Variants in ADCY9 observed in about 807,000 individuals in gnomAD.
The protein encoded by ADCY9 is adenylate cyclase 9.
Under a neutral mutation model 101.5 loss-of-function variants are expected in ADCY9, and 50 were observed. The observed-to-expected ratio is 0.49, with a 90% CI of 0.39 to 0.62. The LOEUF (loss-of-function observed/expected upper bound fraction) is 0.62. ADCY9 is among the 20% of genes least tolerant of loss of function. The pLI is 0.00. For missense variants in ADCY9, 1,662 were observed against 1,800.4 expected, an observed-to-expected ratio of 0.92 and a Z score of 1.39; for synonymous variants, 905 against 769.3, an observed-to-expected ratio of 1.18 and a Z score of -2.92.
At chr16:3,977,861 C>A (rs1056391236) in intron 8 of ADCY9, among the ~76,000 whole-genome samples, 6 of 152,102 alleles carry the variant, frequency 3.9e-5, no homozygotes, top group Non-Finnish European at 5.9e-5. Flanking sequence ...GGATGACAGG[C>A]TCCCGGCACC....
Position 3,992,533 on chromosome 16 carries a change from T to G in ADCY9, c.1990-170A>C, listed in dbSNP as rs542323742. On this transcript the variant is annotated intron_variant, in intron 4 of 10. Coordinates refer to ENST00000294016, the MANE Select transcript of ADCY9 (RefSeq NM_001116.4). This position sits in a 1 kb window ranked among gnomAD's most constrained non-coding sequence, Gnocchi z 4.2. ...CCCTGCGCCTACAGACCTGCTCCAA[T>G]CCCAGCCCTGACTGCCCGTCTGCTC... Among the ~76,000 whole-genome samples, 5 of 152,068 alleles carry G rather than the reference T, an allele frequency of 3.3e-5. No individual in the cohort carries two copies. Among genetic ancestry groups the G allele is most frequent in the African/African-American group, 1.2e-4 (5 of 41,408 alleles).
intron 2 of ADCY9, among the ~76,000 whole-genome samples, chr16:4,067,795 G>C (rs1390029795): frequency 6.6e-6 from 1 of 152,174 alleles, no homozygotes; most frequent in East Asian, 1.9e-4. Flanking sequence ...TGCCACTGTA[G>C]CTAATGTGTG....
intron 2 of ADCY9, among the ~76,000 whole-genome samples, chr16:4,074,174 CATT>C (rs1230166146): frequency 6.6e-6 from 1 of 151,770 alleles, no homozygotes; most frequent in Non-Finnish European, 1.5e-5. Flanking sequence ...ATATAAAATA[CATT>C]ATTATGACAC....
chr16:3,994,754 G>A (rs1478424732), intron 3 of ADCY9, among the ~76,000 whole-genome samples: 1 of 152,148 alleles, frequency 6.6e-6, no homozygotes. Flanking sequence ...CACTGTGCCT[G>A]GCCAAAAAGA....
intron 2 of ADCY9, among the ~76,000 whole-genome samples, chr16:4,097,545 ATATATATATTTTT>A (rs1419009570): frequency 0.052 from 2,793 of 53,314 alleles, 244 homozygotes; most frequent in African/African-American, 0.22. Flanking sequence ...ATATATATAT[ATATATATATTTTT>A]TTTTTTTTTT....
chr16:4,102,987 G>T (rs572498127), intron 2 of ADCY9, among the ~76,000 whole-genome samples: 1 of 152,186 alleles, frequency 6.6e-6, no homozygotes, highest in Non-Finnish European at 1.5e-5. Flanking sequence ...CTCCCAAAGC[G>T]CTGGTATTAC....
intron 5 of ADCY9, among the ~76,000 whole-genome samples, chr16:3,957,216 C>T (rs868227760): frequency 6.6e-6 from 1 of 152,176 alleles, no homozygotes; most frequent in African/African-American, 2.4e-5. Context: ...GCCAATGATG[C>T]CCAGTTAGAA....
intron 2 of ADCY9, among the ~76,000 whole-genome samples, chr16:4,056,485 C>T (rs1158883599): frequency 6.6e-5 from 10 of 152,178 alleles, no homozygotes; most frequent in African/African-American, 2.2e-4. Context: ...AAATGCTGAC[C>T]TCAAGTGATC....
chr16:3,960,996 A>T (rs2141664192), downstream of ADCY9, among the ~76,000 whole-genome samples: 1 of 114,206 alleles, frequency 8.8e-6, no homozygotes, highest in South Asian at 2.5e-4. Flanking sequence ...ACAGCCATAG[A>T]TTCCCACAGT....
chr16:4,092,045 G>A (rs938044723), intron 2 of ADCY9, among the ~76,000 whole-genome samples: 3 of 152,264 alleles, frequency 2.0e-5, no homozygotes, highest in African/African-American at 7.2e-5. Flanking sequence ...GAGGCGGGCA[G>A]ATCATCTGAA....
intron 3 of ADCY9, among the ~76,000 whole-genome samples, chr16:3,994,012 G>T (rs905779707): frequency 6.6e-6 from 1 of 152,144 alleles, no homozygotes; most frequent in South Asian, 2.1e-4. Flanking sequence ...GCTAAGGGGC[G>T]TGGGGTTTGC....
intron 2 of ADCY9, among the ~76,000 whole-genome samples, chr16:4,035,103 C>T (rs1294660711): frequency 2.0e-5 from 3 of 152,208 alleles, no homozygotes; most frequent in Non-Finnish European, 2.9e-5. Flanking sequence ...ACGATCACCA[C>T]CCTTGCATCT....
In ADCY9 at chr16:4,115,894, A is replaced by C; in HGVS notation, c.-248T>G. ...CCCCGCGAGCCGCCTGCGCACAAACAACTCCGCTGGCGGCGCGGAGCCCTC... is the reference window on the plus strand; with the variant it reads ...CCCCGCGAGCCGCCTGCGCACAAACCACTCCGCTGGCGGCGCGGAGCCCTC... On this transcript the variant is annotated 5_prime_UTR_variant, in exon 1 of 11. Coordinates refer to ENST00000294016, the MANE Select transcript of ADCY9 (RefSeq NM_001116.4). The surrounding 1 kb of genome is among the most constrained non-coding windows in gnomAD (Gnocchi z 6.2). 5.2e-6 allele frequency: 2 copies of C among 387,376 alleles called. No homozygotes were observed. The highest frequency in any genetic ancestry group is 9.1e-6 in the Non-Finnish European group (2 of 219,094). 24.0% of individuals were successfully genotyped at this position (387,376 alleles called of 1,614,324 possible).
intron 2 of ADCY9, among the ~76,000 whole-genome samples, chr16:4,064,950 A>G (rs1356754828): frequency 1.3e-5 from 2 of 152,180 alleles, no homozygotes; most frequent in Non-Finnish European, 2.9e-5. Flanking sequence ...TGGCTGGTGA[A>G]TAGGTGAGGG....
At chr16:4,105,493 CA>C (rs1167229190) in intron 2 of ADCY9, among the ~76,000 whole-genome samples, 5 of 150,612 alleles carry the variant, frequency 3.3e-5, no homozygotes, top group Non-Finnish European at 7.4e-5. Context: ...CCAACATGGT[CA>C]AACACCATTT....
At chr16:3,960,156 TCTCTC>T (rs972823905), downstream of ADCY9, among the ~76,000 whole-genome samples, 20 of 152,172 alleles carry the variant, frequency 1.3e-4, no homozygotes, top group African/African-American at 4.6e-4. Flanking sequence ...TGAAAAGTCA[TCTCTC>T]CTCTGGTTAC....
At chr16:4,019,735 A>T (rs1045971384) in intron 2 of ADCY9, among the ~76,000 whole-genome samples, 1 of 152,224 alleles carries the variant, frequency 6.6e-6, no homozygotes, top group African/African-American at 2.4e-5. Context: ...GGAGGGTTCC[A>T]GACTAGTGGA....
At chr16:4,026,655 C>T (rs545669761) in intron 2 of ADCY9, among the ~76,000 whole-genome samples, 21 of 152,314 alleles carry the variant, frequency 1.4e-4, no homozygotes, top group Admixed American at 1.3e-3. Flanking sequence ...GGGCACTACT[C>T]AGCATCACAA....
chr16:4,060,457 T>C (rs1391076890), intron 2 of ADCY9, among the ~76,000 whole-genome samples: 1 of 152,178 alleles, frequency 6.6e-6, no homozygotes, highest in Admixed American at 6.5e-5. Flanking sequence ...GTATAATATA[T>C]GCCTGAATTC....
Sources: allele counts gnomAD v4.1 joint callset (sites outside exome capture counted in the v4.1 genomes callset), GRCh38; gene constraint gnomAD v4.1.1; non-coding constraint Gnocchi (gnomAD v3.1); transcripts MANE v1.5; gene names NCBI Gene and HGNC (gene_info 2026-07-23, HGNC 2026-07-21).